Variants in DZIP1L observed in about 807,000 individuals in gnomAD.
DZIP1L encodes DAZ interacting zinc finger protein 1 like, also known as cilium assembly protein DZIP1L.
DZIP1L carries 90 observed loss-of-function variants against 88.7 expected under a neutral mutation model. The observed-to-expected ratio is 1.02, with a 90% CI of 0.86 to 1.21. The LOEUF (loss-of-function observed/expected upper bound fraction) is 1.21. Among genes scored for constraint, DZIP1L ranks in the 50% most tolerant of loss-of-function variants. DZIP1L has a pLI of 0.00. For missense variants in DZIP1L, 932 were observed against 955.8 expected (o/e 0.98, Z 0.33); for synonymous variants, 363 against 372.1 (o/e 0.98, Z 0.28).
intron 7 of DZIP1L, among the ~76,000 whole-genome samples, chr3:138,084,868 G>A (rs918406994): frequency 6.6e-5 from 10 of 152,244 alleles, no homozygotes; most frequent in South Asian, 2.1e-4. Flanking sequence ...TCCCAGCACC[G>A]TTTATTAAAT....
chr3:138,065,394 T>C (rs930784027), intron 14 of DZIP1L, among the ~76,000 whole-genome samples: 8 of 152,188 alleles, frequency 5.3e-5, no homozygotes, highest in Non-Finnish European at 1.5e-5. Flanking sequence ...ATTCAAGAAA[T>C]GTTTGTTAAG....
intron 13 of DZIP1L, 139 bp downstream of exon 13, chr3:138,068,012 C>T: frequency 2.5e-6 from 2 of 807,546 alleles, no homozygotes; most frequent in Non-Finnish European, 1.8e-6. Flanking sequence ...TCAGACTGGA[C>T]CCCACCTGAG....
In DZIP1L at chr3:138,067,413, A is replaced by G. The variant is rs1942957674; in HGVS notation, c.2002+118T>C. Reference sequence around the variant, plus strand: ...CTTTCCAAGCCAAATAGAGAAAGAGATGTCAAATAAGAAAGCCTAAAGGAA... The same window carrying G: ...CTTTCCAAGCCAAATAGAGAAAGAGGTGTCAAATAAGAAAGCCTAAAGGAA... On this transcript the variant is annotated intron_variant, in intron 14 of 15. Coordinates refer to ENST00000327532, the MANE Select transcript of DZIP1L (RefSeq NM_173543.3). 7 of 1,177,088 alleles carry G rather than the reference A, an allele frequency of 5.9e-6. No homozygotes were observed. The South Asian group carries it at 1.3e-4, about 21-fold the overall frequency. 72.9% of individuals were successfully genotyped at this position (1,177,088 alleles called of 1,614,324 possible).
intron 8 of DZIP1L, among the ~76,000 whole-genome samples, chr3:138,082,628 C>T (rs1259698226): frequency 6.6e-6 from 1 of 152,232 alleles, no homozygotes; most frequent in African/African-American, 2.4e-5. Flanking sequence ...TTATGACAAA[C>T]TCCCTCTTCT....
chr3:138,068,285 CGGTGTG>C lies in DZIP1L; in HGVS notation c.1692_1697del (p.Thr565_Pro566del). ...GACGAGTTGGTGGGGGTGGCTCTGC[CGGTGTG>C]GATGGCAAGGCCACCTGCAGGGTCC... On this transcript the variant is annotated inframe_deletion, in exon 13 of 16. Coordinates refer to ENST00000327532, the MANE Select transcript of DZIP1L (RefSeq NM_173543.3). 6.3e-7 allele frequency: 1 copy of C among 1,596,584 alleles called. No individual in the cohort carries two copies. Among genetic ancestry groups the C allele is most frequent in the Non-Finnish European group, 8.5e-7 (1 of 1,170,834 alleles).
intron 12 of DZIP1L, 54 bp from the exon 13 acceptor site, chr3:138,068,421 C>G: frequency 7.3e-7 from 1 of 1,376,028 alleles, no homozygotes; most frequent in Non-Finnish European, 9.6e-7. Context: ...GGATCTCAAG[C>G]CTAAGAGGAG....
At chr3:138,082,539 C>T (rs1389039768) in intron 8 of DZIP1L, among the ~76,000 whole-genome samples, 1 of 152,196 alleles carries the variant, frequency 6.6e-6, no homozygotes, top group Non-Finnish European at 1.5e-5. Context: ...CTGATGACCA[C>T]ATTCATGTCT....
intron 11 of DZIP1L, among the ~76,000 whole-genome samples, chr3:138,074,732 GAAA>G (rs36115917): frequency 1.4e-5 from 2 of 140,708 alleles, no homozygotes; most frequent in African/African-American, 2.7e-5. Context: ...AATAATACAC[GAAA>G]AAAAAAAAAG....
chr3:138,072,711 A>C (rs1943235515), intron 11 of DZIP1L, among the ~76,000 whole-genome samples: 1 of 152,218 alleles, frequency 6.6e-6, no homozygotes, highest in Non-Finnish European at 1.5e-5. Flanking sequence ...AGACTCCCTG[A>C]GATGCCGAAA....
At position 138,066,245 on chromosome 3, in the gene DZIP1L, A is replaced by G. The variant is rs114720056; in HGVS notation, c.2002+1286T>C. Reference sequence around the variant, plus strand: ...GAAAACTATATTTGTCAAAATGTTCATGGTAGGAAACTGTTTTCCCTTCAA... The same window carrying G: ...GAAAACTATATTTGTCAAAATGTTCGTGGTAGGAAACTGTTTTCCCTTCAA... On this transcript the variant is annotated intron_variant, in intron 14 of 15. Coordinates refer to ENST00000327532, the MANE Select transcript of DZIP1L (RefSeq NM_173543.3). 2.1e-3 allele frequency among the ~76,000 whole-genome samples: 314 copies of G among 152,348 alleles called. 1 individual carries two copies. The highest frequency in any genetic ancestry group is 7.3e-3 in the African/African-American group (302 of 41,580).
chr3:138,084,134 G>A lies in DZIP1L; in HGVS notation c.1182C>T (p.Ile394=). Residue 394 remains isoleucine, a synonymous_variant, in exon 8 of 16, where the codon ATC becomes ATT. Coordinates refer to ENST00000327532, the MANE Select transcript of DZIP1L (RefSeq NM_173543.3). ...LRAQLQEQAR[I]IASQEEMIQS... is the part of the protein sequence containing the mutation. ...CTACCATCTCCTCCTGGGAGGCAAT[G>A]ATCCTAGCTTGTTCCTGCAGCTGGG... 6.2e-7 allele frequency: 1 copy of A among 1,614,058 alleles called. No homozygotes were observed. The highest frequency in any genetic ancestry group is 8.5e-7 in the Non-Finnish European group (1 of 1,179,968).
At chr3:138,082,038 G>A (rs550302012) in intron 8 of DZIP1L, among the ~76,000 whole-genome samples, 3 of 152,354 alleles carry the variant, frequency 2.0e-5, no homozygotes, top group African/African-American at 7.2e-5. Flanking sequence ...GAGGGCAGGA[G>A]CCCCATAGAA....
At chr3:138,107,627 T>C (rs1200629431) in intron 1 of DZIP1L, among the ~76,000 whole-genome samples, 1 of 152,242 alleles carries the variant, frequency 6.6e-6, no homozygotes, top group East Asian at 1.9e-4. Flanking sequence ...CCACTCAACA[T>C]TGATTCTTGG....
At chr3:138,064,474 G>A (rs772334811) in intron 15 of DZIP1L, 154 bp downstream of exon 15, 33 of 1,606,858 alleles carry the variant, frequency 2.1e-5, no homozygotes, top group Admixed American at 6.8e-5. Flanking sequence ...ATCTCTCCAT[G>A]TGCACAGGGG....
At chr3:138,093,064 C>A (rs1394017222) in intron 4 of DZIP1L, among the ~76,000 whole-genome samples, 2 of 152,186 alleles carry the variant, frequency 1.3e-5, no homozygotes, top group African/African-American at 4.8e-5. Flanking sequence ...TTTCAATTTA[C>A]TTTGCTCAGA....
chr3:138,084,375 G>A, intron 7 of DZIP1L, 122 bp from the exon 8 acceptor site: 1 of 1,322,562 alleles, frequency 7.6e-7, no homozygotes, highest in Non-Finnish European at 1.0e-6. Context: ...TTTGAGACCT[G>A]GACAGGCTTT....
Position 138,092,448 on chromosome 3 carries a change from T to A in DZIP1L, c.805A>T (p.Lys269Ter). ...TCATCCCAAAATAATTTTTTTAGTTTATCTATTTCCCCATAAAGTTTGGTC... is the reference window on the plus strand; with the variant it reads ...TCATCCCAAAATAATTTTTTTAGTTAATCTATTTCCCCATAAAGTTTGGTC... ...EWTKLYGEID[K>*]LKKLFWDEFK... Residue 269 changes from lysine (K) to a stop codon, truncating the protein, a stop_gained, in exon 5 of 16, where the codon AAA becomes TAA. Transcript: ENST00000327532. LOFTEE classifies it high-confidence loss of function. The A allele has an allele frequency of 6.2e-7, 1 of 1,607,460 alleles. No homozygotes were observed. Among genetic ancestry groups the A allele is most frequent in the Non-Finnish European group, 8.5e-7 (1 of 1,177,532 alleles).
At chr3:138,091,370 C>T (rs928467879) in intron 5 of DZIP1L, among the ~76,000 whole-genome samples, 3 of 151,202 alleles carry the variant, frequency 2.0e-5, no homozygotes, top group African/African-American at 7.3e-5. Flanking sequence ...TAAATCCCAG[C>T]ACTTTGGGAG....
In DZIP1L at chr3:138,103,601, C is replaced by T. The variant is rs566087317; in HGVS notation, c.371G>A (p.Arg124His). 3.1e-6 allele frequency: 5 copies of T among 1,607,030 alleles called. No homozygotes were observed. Among genetic ancestry groups the T allele is most frequent in the African/African-American group, 1.3e-5 (1 of 75,016 alleles). ...CTGGCGTCCCAGCTCCTGCTGACCA[C>T]GCTGCTGCTGGCCCAGGCTGGTCTG... ...RLQTSLGQQQ[R>H]GQQELGRQAD... is the part of the protein sequence containing the mutation. The change falls in exon 2 of 16, where the codon CGT (arginine) becomes CAT (histidine). Residue 124 changes from arginine to histidine, a missense_variant. Physicochemically the swap from Arg to His is conservative, Grantham distance 29. Coordinates refer to ENST00000327532, the MANE Select transcript of DZIP1L (RefSeq NM_173543.3).
Sources: allele counts gnomAD v4.1 joint callset (sites outside exome capture counted in the v4.1 genomes callset), GRCh38; gene constraint gnomAD v4.1.1; transcripts MANE v1.5; gene names NCBI Gene and HGNC (gene_info 2026-07-23, HGNC 2026-07-21).